Variants in TTN observed in about 807,000 individuals in gnomAD.
The protein encoded by TTN is titin, also known as connectin.
A neutral mutation model predicts 3,223.0 loss-of-function variants in TTN; 1,525 were observed. That is an observed-to-expected ratio of 0.47 (90% CI 0.45 to 0.49). The LOEUF is 0.49. Among genes scored for constraint, TTN ranks in the 20% least tolerant of loss-of-function variants. The pLI is 0.00. For missense variants in TTN, 40,786 were observed against 43,424.0 expected, an observed-to-expected ratio of 0.94 and a Z score of 5.40; for synonymous variants, 14,094 against 15,161.0, an observed-to-expected ratio of 0.93 and a Z score of 5.17.
intron 308 of TTN, 67 bp downstream of exon 308, chr2:178,586,438 T>A: frequency 6.4e-7 from 1 of 1,566,730 alleles, no homozygotes. Flanking sequence ...GGGAGAAATG[T>A]CTACATATAA....
At chr2:178,723,815 A>G (rs778189497) in intron 73 of TTN, 41 bp downstream of exon 73, 8 of 1,561,454 alleles carry the variant, frequency 5.1e-6, no homozygotes, top group Non-Finnish European at 6.1e-6. Context: ...CCTGAAGAGG[A>G]ATTTGTAAGA....
At chr2:178,720,292 A>G (rs748781396) in intron 80 of TTN, 28 bp from the exon 81 acceptor site, 3 of 1,597,672 alleles carry the variant, frequency 1.9e-6, no homozygotes, top group Middle Eastern at 3.4e-4. Flanking sequence ...TGGTTAGAGG[A>G]AAAAATGTGA....
Position 178,560,704 on chromosome 2 carries a change from T to C in TTN, c.85428A>G (p.Gln28476=), listed in dbSNP as rs777939514. 17 of 1,613,580 alleles carry C rather than the reference T, an allele frequency of 1.1e-5. No individual in the cohort carries two copies. The highest frequency in any genetic ancestry group is 1.4e-5 in the Non-Finnish European group (17 of 1,179,810). The change falls in exon 326 of 363, where the codon CAA becomes CAG. Residue 28476 remains glutamine, a synonymous_variant. Coordinates refer to ENST00000589042, the MANE Select transcript of TTN (RefSeq NM_001267550.2). The part of the protein sequence containing the change: ...EKCSLSWGRP[Q]EDGGADIDYY... The stretch of plus-strand genomic sequence containing the variant: ...AGTCGATATCTGCACCACCATCTTC[T>C]TGGGGACGTCCCCAGGAAAGAGAGC...
intron 9 of TTN, 72 bp downstream of exon 9, chr2:178,793,332 A>G (rs1208199266): frequency 1.3e-6 from 2 of 1,570,472 alleles, no homozygotes; most frequent in Admixed American, 1.8e-5. Flanking sequence ...AACACTCTTC[A>G]TGGTAAAGGT....
At chr2:178,745,883 T>C (rs757252546) in intron 47 of TTN, 4 of 1,611,258 alleles carry the variant, frequency 2.5e-6, no homozygotes, top group Non-Finnish European at 3.4e-6. Context: ...CACCTGAAAT[T>C]CAAAAAAACT....
chr2:178,741,343 C>G lies in TTN; in HGVS notation c.11890G>C (p.Glu3964Gln). 1 of 1,613,892 alleles carries G rather than the reference C, an allele frequency of 6.2e-7. No homozygotes were observed. The highest frequency in any genetic ancestry group is 8.5e-7 in the Non-Finnish European group (1 of 1,179,826). ...PAIFEYTVVG[E>Q]PAPTVTWFKE... Reference sequence around the variant, plus strand: ...AACCATGTAACAGTAGGGGCAGGCTCTCCAACCACTGTGTACTCAAAGATG... The same window carrying G: ...AACCATGTAACAGTAGGGGCAGGCTGTCCAACCACTGTGTACTCAAAGATG... The change falls in exon 48 of 363, where the codon GAG becomes CAG. Residue 3964 changes from glutamate to glutamine, a missense_variant. Coordinates refer to ENST00000589042, the MANE Select transcript of TTN (RefSeq NM_001267550.2).
chr2:178,727,806 A>C lies in TTN; in HGVS notation c.19772T>G (p.Val6591Gly), dbSNP rs2079619288. 2 of 1,612,370 alleles carry C rather than the reference A, an allele frequency of 1.2e-6. No homozygotes were observed. The highest frequency in any genetic ancestry group is 2.2e-5 in the South Asian group (2 of 90,784). ...TCCTTTTAGTATTGCCTTAAATTCC[A>C]CTGTAGAATCAGGTATGGCTTGCTG... is the stretch of plus-strand genomic sequence containing the variant. ...GRQQAIPDST[V>G]EFKAILKGTP... Residue 6591 changes from valine (V) to glycine (G), a missense_variant, in exon 68 of 363, where the codon GTG becomes GGG. Coordinates refer to ENST00000589042, the MANE Select transcript of TTN (RefSeq NM_001267550.2).
Position 178,713,245 on chromosome 2 carries a change from T to G in TTN, c.26889A>C (p.Gly8963=). The G allele has an allele frequency of 6.2e-7, 1 of 1,613,168 alleles. No individual in the cohort carries two copies. The highest frequency in any genetic ancestry group is 1.1e-5 in the South Asian group (1 of 90,924). Residue 8963 remains glycine (G), a synonymous_variant, in exon 93 of 363, where the codon GGA becomes GGC. Transcript: ENST00000589042. ...ATTTCCTTCCACTACTGATCTCATT[T>G]CCTTCATGGAACCAGGAGACAGAGA... ...PPISVSWFHE[G]NEISSGRKYQ... is the part of the protein sequence containing the mutation.
At chr2:178,721,446 T>G (rs755396977) in intron 78 of TTN, among the ~76,000 whole-genome samples, 10 of 151,954 alleles carry the variant, frequency 6.6e-5, no homozygotes, top group Middle Eastern at 3.2e-3. Flanking sequence ...TGTGCATTTT[T>G]AATAGAGAAT....
rs757111808 is a variant in TTN, at chr2:178,769,795, A to C, written c.8786T>G (p.Ile2929Arg). The C allele has an allele frequency of 4.3e-6, 7 of 1,613,960 alleles. No individual in the cohort carries two copies. The highest frequency in any genetic ancestry group is 1.1e-5 in the South Asian group (1 of 91,062). The change falls in exon 37 of 363, where the codon ATA becomes AGA. Residue 2929 changes from isoleucine to arginine, a missense_variant. Coordinates refer to ENST00000589042, the MANE Select transcript of TTN (RefSeq NM_001267550.2). ...VEIEMSEKFK[I>R]VVQGKLHQLI... Reference sequence around the variant, plus strand: ...CTGATGGAGTTTTCCCTGCACAACTATCTTGAACTTTTCACTCATCTCAAT... The same window carrying C: ...CTGATGGAGTTTTCCCTGCACAACTCTCTTGAACTTTTCACTCATCTCAAT...
Position 178,720,375 on chromosome 2 carries a change from G to C in TTN, c.23377+10C>G, listed in dbSNP as rs766310887. The C allele has an allele frequency of 6.2e-7, 1 of 1,604,526 alleles. No individual in the cohort carries two copies. The highest frequency in any genetic ancestry group is 8.5e-7 in the Non-Finnish European group (1 of 1,174,582). Reference sequence around the variant, plus strand: ...AAGGGGCATATATTTTTGTGTCCATGTATACAAACCTTTGAACTTGACAGA... The same window carrying C: ...AAGGGGCATATATTTTTGTGTCCATCTATACAAACCTTTGAACTTGACAGA... On this transcript the variant is annotated intron_variant, in intron 80 of 362. Transcript: ENST00000589042.
In TTN at chr2:178,534,827, A is replaced by G; in HGVS notation, c.101788T>C (p.Leu33930=). 6.2e-7 allele frequency: 1 copy of G among 1,610,378 alleles called. No individual in the cohort carries two copies. Among genetic ancestry groups the G allele is most frequent in the South Asian group, 1.1e-5 (1 of 91,076 alleles). ...VHQVCEALQF[L]HSHNIGHFDI... Reference sequence around the variant, plus strand: ...AAGTGTCCAATATTATGACTGTGTAAAAACTGAAGTGCTTCACAGACCTGG... The same window carrying G: ...AAGTGTCCAATATTATGACTGTGTAGAAACTGAAGTGCTTCACAGACCTGG... Residue 33930 remains leucine (L), a synonymous_variant, in exon 358 of 363, where the codon TTA becomes CTA. Coordinates refer to ENST00000589042, the MANE Select transcript of TTN (RefSeq NM_001267550.2).
intron 308 of TTN, among the ~76,000 whole-genome samples, chr2:178,586,054 A>T (rs1576004994): frequency 6.6e-6 from 1 of 152,064 alleles, no homozygotes; most frequent in South Asian, 2.1e-4. Flanking sequence ...TTACACTCCC[A>T]CCAACAGTGT....
In TTN at chr2:178,632,524, A is replaced by G. The variant is rs1177799464; in HGVS notation, c.43480+2T>C. 1 of 1,611,920 alleles carries G rather than the reference A, an allele frequency of 6.2e-7. No homozygotes were observed. The highest frequency in any genetic ancestry group is 1.3e-5 in the African/African-American group (1 of 74,816). ...GGTGGACTATTTGATAAAACTATTT[A>G]CCTTCAATGATCAGTTTGCCACTTG... On this transcript the variant is annotated splice_donor_variant, in intron 235 of 362. Coordinates refer to ENST00000589042, the MANE Select transcript of TTN (RefSeq NM_001267550.2). LOFTEE classifies it high-confidence loss of function.
rs72648960 is a variant in TTN, at chr2:178,724,331, G to A, written c.21044C>T (p.Ala7015Val). The change falls in exon 72 of 363, where the codon GCA (alanine) becomes GTA (valine). Residue 7015 changes from alanine (A) to valine (V), a missense_variant. Ala to Val is a moderately conservative substitution (Grantham distance 64). Transcript: ENST00000589042. Reference sequence around the variant, plus strand: ...TTGAACCTGGAAAGTGTATGTGCCTGCATCTTGCCTTTCAACTGAGAGAAT... The same window carrying A: ...TTGAACCTGGAAAGTGTATGTGCCTACATCTTGCCTTTCAACTGAGAGAAT... ...LRILSVERQDAGTYTFQVQNN... is the reference protein window; with the variant it reads ...LRILSVERQDVGTYTFQVQNN... 8.2e-3 allele frequency: 13,257 copies of A among 1,613,534 alleles called. 485 individuals are homozygous for A. In the East Asian group the frequency reaches 0.13, roughly 16 times the overall value.
chr2:178,617,688 A>T, intron 253 of TTN, 91 bp downstream of exon 253: 1 of 1,511,874 alleles, frequency 6.6e-7, no homozygotes, highest in Admixed American at 2.2e-5. Flanking sequence ...CTACCTTTTT[A>T]TTAACTTTCA....
At chr2:178,681,596 T>TA in intron 136 of TTN, 65 bp downstream of exon 136, 3 of 1,518,298 alleles carry the variant, frequency 2.0e-6, no homozygotes. Context: ...CATATATTTT[T>TA]ATAGTAGGAC....
rs570330487 is a variant in TTN at position 178,533,024 on chromosome 2, T to C, written c.103591A>G (p.Lys34531Glu). The C allele has an allele frequency of 1.5e-5, 25 of 1,613,886 alleles. No individual in the cohort carries two copies. In the Admixed American group the frequency reaches 2.5e-4, roughly 16 times the overall value. The change falls in exon 358 of 363, where the codon AAG becomes GAG. Residue 34531 changes from lysine to glutamate, a missense_variant. Coordinates refer to ENST00000589042, the MANE Select transcript of TTN (RefSeq NM_001267550.2). The part of the protein sequence containing the change: ...GEFRLEIEEK[K>E]EERKLRMPYD... ...GGCATCCGGAGTTTTCTCTCCTCCT[T>C]CTTTTCTTCTATCTCAAGTCTGAAT... is the stretch of plus-strand genomic sequence containing the variant.
At position 178,679,898 on chromosome 2, in the gene TTN, G is replaced by C; in HGVS notation, c.33576C>G (p.Val11192=). The change falls in exon 140 of 363, where the codon GTC becomes GTG. Residue 11192 remains valine (V), a synonymous_variant. Transcript: ENST00000589042. Reference sequence around the variant, plus strand: ...TTTGCAGGAGGCATCATCTACCTTTGACTGGTATCACTGGCACCACTTCTT... The same window carrying C: ...TTTGCAGGAGGCATCATCTACCTTTCACTGGTATCACTGGCACCACTTCTT... The part of the protein sequence containing the change: ...TEEEVVPVIP[V]KVPEVPRKPV... 1.2e-6 allele frequency: 2 copies of C among 1,612,870 alleles called. No homozygotes were observed. The highest frequency in any genetic ancestry group is 1.7e-6 in the Non-Finnish European group (2 of 1,179,310).
Sources: allele counts gnomAD v4.1 joint callset (sites outside exome capture counted in the v4.1 genomes callset), GRCh38; gene constraint gnomAD v4.1.1; transcripts MANE v1.5; gene names NCBI Gene and HGNC (gene_info 2026-07-23, HGNC 2026-07-21).